The following CRB1 variants were observed in gnomAD, a reference collection of about 807,000 sequenced individuals.
CRB1 encodes protein crumbs homolog 1.
In CRB1, 83 loss-of-function variants were observed where a neutral mutation model predicts 120.0. That is an observed-to-expected ratio of 0.69 (90% CI 0.58 to 0.83). The LOEUF is 0.83. Ranked by LOEUF, CRB1 falls within the 40% of genes least tolerant of loss-of-function variation. CRB1 has a pLI of 0.00. For synonymous variants in CRB1, 625 were observed against 612.5 expected, an observed-to-expected ratio of 1.02 and a Z score of -0.30; for missense variants, 1,699 against 1,687.6, an observed-to-expected ratio of 1.01 and a Z score of -0.12.
chr1:197,421,801 T>G lies in CRB1; in HGVS notation c.1973T>G (p.Ile658Ser). 1 of 1,614,146 alleles carries G rather than the reference T, an allele frequency of 6.2e-7. No homozygotes were observed. The highest frequency in any genetic ancestry group is 8.5e-7 in the Non-Finnish European group (1 of 1,180,020). Residue 658 changes from isoleucine (I) to serine (S), a missense_variant, in exon 6 of 12, where the codon ATC (isoleucine) becomes AGC (serine). By Grantham distance (142) the Ile-to-Ser change is moderately radical (BLOSUM62 -2). Coordinates refer to ENST00000367400, the MANE Select transcript of CRB1 (RefSeq NM_201253.3). ...TGGAATCACATTACCCTGGAGAACA[T>G]CTCGTCTGGCTCATCATTAAATGTC... Reference protein sequence around the residue: ...IDWNHITLENISSGSSLNVKA... With the variant: ...IDWNHITLENSSSGSSLNVKA...
the CRB1 span, among the ~76,000 whole-genome samples, chr1:197,206,755 G>T: frequency 6.6e-6 from 1 of 152,050 alleles, no homozygotes; most frequent in African/African-American, 2.4e-5. Flanking sequence ...AAGTCCATTT[G>T]TTCTAAAGTA....
Position 197,438,537 on chromosome 1 carries a change from A to C in CRB1, c.3750-10A>C, listed in dbSNP as rs766568931. Reference sequence around the variant, plus strand: ...ATGAACAGCTGTGGCTCTTGCTTTTATCTCTCTAGACAGAGCAGATTACCC... The same window carrying C: ...ATGAACAGCTGTGGCTCTTGCTTTTCTCTCTCTAGACAGAGCAGATTACCC... On this transcript the variant is annotated splice_polypyrimidine_tract_variant and intron_variant, in intron 9 of 11. Transcript: ENST00000367400. 1.9e-6 allele frequency: 3 copies of C among 1,611,618 alleles called. No individual in the cohort carries two copies. Among genetic ancestry groups the C allele is most frequent in the African/African-American group, 2.7e-5 (2 of 74,810 alleles).
At chr1:197,389,603 G>C (rs1420888140) in intron 5 of CRB1, among the ~76,000 whole-genome samples, 1 of 152,086 alleles carries the variant, frequency 6.6e-6, no homozygotes, top group African/African-American at 2.4e-5. Context: ...AAGTTCTGGA[G>C]ATGGATGGTG....
In CRB1 at chr1:197,435,282, T is replaced by A. The variant is rs1342970033; in HGVS notation, c.3419T>A (p.Leu1140Ter). Residue 1140 changes from leucine to a stop codon, truncating the protein, a stop_gained, in exon 9 of 12, where the codon TTA (leucine) becomes TAA (stop). Transcript: ENST00000367400. LOFTEE classifies it high-confidence loss of function. Reference protein sequence around the residue: ...TNSVVTGCLQLNVCNSNPCLH... With the variant: ...TNSVVTGCLQ ...TCAGTGGTCACTGGCTGTTTGCAGTTAAATGTCTGCAACTCCAACCCCTGT... is the reference window on the plus strand; with the variant it reads ...TCAGTGGTCACTGGCTGTTTGCAGTAAAATGTCTGCAACTCCAACCCCTGT... 6.2e-7 allele frequency: 1 copy of A among 1,613,748 alleles called. No individual in the cohort carries two copies. Among genetic ancestry groups the A allele is most frequent in the African/African-American group, 1.3e-5 (1 of 74,916 alleles).
chr1:197,424,179 C>A (rs1664466898), intron 6 of CRB1, among the ~76,000 whole-genome samples: 1 of 152,130 alleles, frequency 6.6e-6, no homozygotes, highest in Non-Finnish European at 1.5e-5. Flanking sequence ...ATTGTACCTG[C>A]CAAATGTAGT....
chr1:197,404,719 C>T (rs1023111696), intron 5 of CRB1, among the ~76,000 whole-genome samples: 1 of 151,994 alleles, frequency 6.6e-6, no homozygotes, highest in Non-Finnish European at 1.5e-5. Flanking sequence ...GGATATGTGC[C>T]CCTGCTAAAC....
chr1:197,277,925 CCAGT>C (rs1274493462), intron 1 of CRB1, among the ~76,000 whole-genome samples: 2 of 151,780 alleles, frequency 1.3e-5, no homozygotes, highest in African/African-American at 4.8e-5. Flanking sequence ...TTTTTAGTGA[CCAGT>C]CACTCTACAT....
At chr1:197,422,081 G>A in intron 6 of CRB1, 125 bp downstream of exon 6, 4 of 852,450 alleles carry the variant, frequency 4.7e-6, no homozygotes, top group Non-Finnish European at 7.4e-6. Flanking sequence ...TTCTGCTGCT[G>A]GTTGCCCACT....
intron 5 of CRB1, among the ~76,000 whole-genome samples, chr1:197,376,557 C>A (rs572846776): frequency 4.7e-4 from 71 of 152,294 alleles, no homozygotes; most frequent in Non-Finnish European, 8.1e-4. Flanking sequence ...TAATATCCCA[C>A]ATCTGATTCC....
intron 1 of CRB1, among the ~76,000 whole-genome samples, chr1:197,289,653 C>T (rs182562366): frequency 2.0e-5 from 3 of 151,650 alleles, no homozygotes; most frequent in Admixed American, 1.3e-4. Context: ...ATATCAGAAC[C>T]TTTTCTTCTA....
At chr1:197,350,132 A>G (rs1487590211) in intron 4 of CRB1, among the ~76,000 whole-genome samples, 1 of 151,718 alleles carries the variant, frequency 6.6e-6, no homozygotes, top group Non-Finnish European at 1.5e-5. Context: ...AAACCTGAAA[A>G]TTTTCCAAAC....
intron 5 of CRB1, among the ~76,000 whole-genome samples, chr1:197,373,709 T>A (rs752112430): frequency 1.3e-5 from 2 of 152,134 alleles, no homozygotes; most frequent in African/African-American, 2.4e-5. Flanking sequence ...TCTTCAGGAT[T>A]GGTTTCCAAA....
At chr1:197,392,555 T>A (rs1387178757) in intron 5 of CRB1, among the ~76,000 whole-genome samples, 3 of 152,116 alleles carry the variant, frequency 2.0e-5, no homozygotes, top group African/African-American at 4.8e-5. Context: ...TTCCAAACTC[T>A]GCTAGCAATA....
At chr1:197,279,892 T>C (rs1283536549) in intron 1 of CRB1, among the ~76,000 whole-genome samples, 4 of 151,446 alleles carry the variant, frequency 2.6e-5, no homozygotes. Flanking sequence ...GCCTACCAGA[T>C]ACAACCAACC....
At chr1:197,344,147 A>G (rs1162419634) in intron 2 of CRB1, 134 bp from the exon 3 acceptor site, 7 of 908,200 alleles carry the variant, frequency 7.7e-6, no homozygotes, top group Non-Finnish European at 1.3e-5. Flanking sequence ...ATCAATTACA[A>G]TTAAGGGGGA....
chr1:197,431,827 C>T (rs755821966), intron 8 of CRB1, among the ~76,000 whole-genome samples: 1 of 152,112 alleles, frequency 6.6e-6, no homozygotes, highest in South Asian at 2.1e-4. Context: ...AATAGGTGTA[C>T]AATAGGAATT....
the CRB1 span, among the ~76,000 whole-genome samples, chr1:197,209,197 C>T: frequency 6.6e-6 from 1 of 152,216 alleles, no homozygotes; most frequent in Non-Finnish European, 1.5e-5. Context: ...TGCCTCCCCA[C>T]ATGCCTCAGC....
chr1:197,333,333 T>C (rs1027253667), intron 2 of CRB1, among the ~76,000 whole-genome samples: 1 of 152,310 alleles, frequency 6.6e-6, no homozygotes, highest in Non-Finnish European at 1.5e-5. Context: ...AAAACTCCAA[T>C]TGAAGCTGAA....
chr1:197,388,920 A>G (rs1662352314), intron 5 of CRB1, among the ~76,000 whole-genome samples: 1 of 152,168 alleles, frequency 6.6e-6, no homozygotes, highest in South Asian at 2.1e-4. Flanking sequence ...TTCTCCAAAG[A>G]AGACATTCAA....
Sources: gnomAD v4.1 joint callset for allele counts (sites outside exome capture counted in the v4.1 genomes callset) on GRCh38, gnomAD v4.1.1 for gene constraint, MANE v1.5 for transcripts, NCBI Gene and HGNC (gene_info 2026-07-23, HGNC 2026-07-21) for gene names.